TENM3: variants seen among roughly 807,000 people sequenced by gnomAD.
TENM3 encodes teneurin transmembrane protein 3.
Under a neutral mutation model 255.1 loss-of-function variants are expected in TENM3, and 63 were observed. The observed-to-expected ratio is 0.25, with a 90% CI of 0.20 to 0.30. The LOEUF (loss-of-function observed/expected upper bound fraction) is 0.30. Ranked by LOEUF, TENM3 falls within the 10% of genes least tolerant of loss-of-function variation. The pLI is 1.00. For missense variants in TENM3, 2,929 were observed against 3,461.1 expected, an observed-to-expected ratio of 0.85 and a Z score of 3.86; for synonymous variants, 1,306 against 1,322.3, an observed-to-expected ratio of 0.99 and a Z score of 0.27.
the TENM3 span, among the ~76,000 whole-genome samples, chr4:181,760,717 C>A: frequency 6.6e-6 from 1 of 151,886 alleles, no homozygotes; most frequent in Non-Finnish European, 1.5e-5. Flanking sequence ...TTGTGATCTG[C>A]CTGCCCTTGA....
intron 3 of TENM3, among the ~76,000 whole-genome samples, chr4:182,487,183 C>G (rs976583355): frequency 6.6e-6 from 1 of 152,102 alleles, no homozygotes; most frequent in Non-Finnish European, 1.5e-5. Context: ...CATAGCTAGC[C>G]CTTTTTATGA....
intron 1 of TENM3, among the ~76,000 whole-genome samples, chr4:182,299,456 A>G (rs1320690333): frequency 6.6e-6 from 1 of 152,238 alleles, no homozygotes; most frequent in Non-Finnish European, 1.5e-5. Context: ...AGATAAGGAA[A>G]GAATAAAAAT....
At chr4:182,330,072 A>G (rs989956317) in intron 2 of TENM3, among the ~76,000 whole-genome samples, 1 of 152,120 alleles carries the variant, frequency 6.6e-6, no homozygotes, top group East Asian at 1.9e-4. Context: ...GAGAGAAAAA[A>G]AAAATGCAAC....
chr4:182,475,443 A>G (rs1184980004), intron 3 of TENM3, among the ~76,000 whole-genome samples: 1 of 152,002 alleles, frequency 6.6e-6, no homozygotes, highest in Non-Finnish European at 1.5e-5. Context: ...TGAAAGTGTA[A>G]CTTACTCAAC....
At chr4:182,470,952 G>T (rs1281849572) in intron 3 of TENM3, among the ~76,000 whole-genome samples, 4 of 152,156 alleles carry the variant, frequency 2.6e-5, no homozygotes, top group Non-Finnish European at 5.9e-5. Context: ...ATGAAGATCA[G>T]TATTATTTTT....
chr4:181,587,526 G>A, the TENM3 span, among the ~76,000 whole-genome samples: 5 of 152,116 alleles, frequency 3.3e-5, no homozygotes, highest in Non-Finnish European at 7.3e-5. Context: ...TAAAACCCAC[G>A]TATGATGTTG....
At chr4:181,682,698 T>G in the TENM3 span, among the ~76,000 whole-genome samples, 1 of 152,232 alleles carries the variant, frequency 6.6e-6, no homozygotes. Context: ...TGGTTAAAAA[T>G]AAGTAGAATG....
chr4:181,670,949 C>A, the TENM3 span, among the ~76,000 whole-genome samples: 2 of 152,232 alleles, frequency 1.3e-5, no homozygotes, highest in Admixed American at 1.3e-4. Context: ...GGATTCTTGG[C>A]AAATTATATC....
At chr4:182,723,062 A>G (rs1759879242) in intron 13 of TENM3, among the ~76,000 whole-genome samples, 1 of 152,208 alleles carries the variant, frequency 6.6e-6, no homozygotes, top group African/African-American at 2.4e-5. Context: ...ATCATATTAC[A>G]CATGTTAAGT....
the TENM3 span, among the ~76,000 whole-genome samples, chr4:181,696,393 A>G: frequency 3.9e-5 from 6 of 152,196 alleles, no homozygotes; most frequent in African/African-American, 1.4e-4. Flanking sequence ...CAAAGGGGAC[A>G]TTGTCTCCAA....
chr4:182,760,221 C>T (rs898146234), intron 22 of TENM3, among the ~76,000 whole-genome samples: 5 of 152,080 alleles, frequency 3.3e-5, no homozygotes, highest in Admixed American at 6.6e-5. Flanking sequence ...AGTGGCCACA[C>T]GCGATCATTC....
the TENM3 span, among the ~76,000 whole-genome samples, chr4:181,528,718 C>T: frequency 2.0e-5 from 3 of 152,180 alleles, no homozygotes; most frequent in Non-Finnish European, 4.4e-5. Context: ...GGAATTCCAT[C>T]CCAGAAAGCC....
At chr4:182,770,748 C>T (rs1764135849) in intron 22 of TENM3, among the ~76,000 whole-genome samples, 1 of 152,212 alleles carries the variant, frequency 6.6e-6, no homozygotes, top group Admixed American at 6.5e-5. Flanking sequence ...GACCTCTGCT[C>T]ACCCAGACTT....
intron 1 of TENM3, among the ~76,000 whole-genome samples, chr4:182,302,981 T>A (rs960168321): frequency 6.6e-6 from 1 of 152,204 alleles, no homozygotes; most frequent in Non-Finnish European, 1.5e-5. Context: ...CATCTCACTT[T>A]ATCAGTCATC....
At chr4:182,359,295 T>C (rs903605489) in intron 3 of TENM3, among the ~76,000 whole-genome samples, 17 of 152,200 alleles carry the variant, frequency 1.1e-4, no homozygotes, top group Admixed American at 6.5e-5. Context: ...GAAGGAATGG[T>C]ACCAGTTCCT....
At chr4:182,006,318 T>C in the TENM3 span, among the ~76,000 whole-genome samples, 4 of 152,158 alleles carry the variant, frequency 2.6e-5, no homozygotes, top group African/African-American at 9.7e-5. Context: ...CTCCTTTTTG[T>C]ATTTTCTGGT....
chr4:181,538,464 A>T, the TENM3 span, among the ~76,000 whole-genome samples: 1 of 146,172 alleles, frequency 6.8e-6, no homozygotes, highest in Non-Finnish European at 1.5e-5. Context: ...TGGGATGGGG[A>T]GGGGGGCGTG....
the TENM3 span, among the ~76,000 whole-genome samples, chr4:181,689,248 C>T: frequency 5.3e-5 from 8 of 152,196 alleles, no homozygotes; most frequent in Non-Finnish European, 1.2e-4. Context: ...TTAGACAGGG[C>T]AAAACTCATC....
chr4:181,450,699 C>T, the TENM3 span, among the ~76,000 whole-genome samples: 174 of 152,274 alleles, frequency 1.1e-3, 2 homozygotes, highest in African/African-American at 4.1e-3. Context: ...CAGTAGAAGG[C>T]ATAGAACACA....
Sources: allele counts gnomAD v4.1 joint callset (sites outside exome capture counted in the v4.1 genomes callset), GRCh38; gene constraint gnomAD v4.1.1; transcripts MANE v1.5; gene names NCBI Gene and HGNC (gene_info 2026-07-23, HGNC 2026-07-21).